Variants in CNOT6L observed in about 807,000 individuals in gnomAD.
CNOT6L encodes the protein CCR4-NOT transcription complex subunit 6-like.
In CNOT6L, 7 loss-of-function variants were observed where a neutral mutation model predicts 64.0. That is an observed-to-expected ratio of 0.11 (90% CI 0.06 to 0.21). The LOEUF (loss-of-function observed/expected upper bound fraction) is 0.21. Among genes scored for constraint, CNOT6L ranks in the 10% least tolerant of loss-of-function variants. The pLI is 1.00. For missense variants in CNOT6L, 245 were observed against 669.0 expected (o/e 0.37, Z 6.99); for synonymous variants, 193 against 243.4 (o/e 0.79, Z 1.93).
chr4:77,786,963 TAA>T, intron 1 of CNOT6L, among the ~76,000 whole-genome samples: 1 of 151,884 alleles, frequency 6.6e-6, no homozygotes. Flanking sequence ...TTGCCATCCA[TAA>T]GAGTCTAATA....
intron 1 of CNOT6L, among the ~76,000 whole-genome samples, chr4:77,799,792 T>C (rs1423086624): frequency 5.9e-5 from 9 of 151,684 alleles, no homozygotes; most frequent in Non-Finnish European, 1.2e-4. Context: ...TCATCTATTA[T>C]AAGCCAAGTG....
In CNOT6L at chr4:77,774,060, T is replaced by A. The variant is rs139307650; in HGVS notation, c.314+470A>T. Reference sequence around the variant, plus strand: ...ATAAGATCTTAAGATTCCTGCAAAATTTTTTTAGAATTTCTTTAGGGAATT... The same window carrying A: ...ATAAGATCTTAAGATTCCTGCAAAAATTTTTTAGAATTTCTTTAGGGAATT... On this transcript the variant is annotated intron_variant, in intron 3 of 11. Transcript: ENST00000504123. 3.9e-5 allele frequency among the ~76,000 whole-genome samples: 6 copies of A among 152,276 alleles called. No homozygotes were observed. The East Asian group carries it at 9.6e-4, about 24-fold the overall frequency.
At chr4:77,758,870 T>C (rs1725853933) in intron 4 of CNOT6L, among the ~76,000 whole-genome samples, 1 of 152,190 alleles carries the variant, frequency 6.6e-6, no homozygotes, top group Non-Finnish European at 1.5e-5. Context: ...GAAACTATTT[T>C]ACCAGAATCT....
At chr4:77,801,095 GA>G (rs1234681437) in intron 1 of CNOT6L, among the ~76,000 whole-genome samples, 1 of 152,118 alleles carries the variant, frequency 6.6e-6, no homozygotes, top group East Asian at 1.9e-4. Context: ...TGATTAGAAG[GA>G]TAAAGAACAA....
chr4:77,737,406 C>CTTTTTTTTTTTTTT (rs56952956), intron 8 of CNOT6L, among the ~76,000 whole-genome samples: 1 of 82,374 alleles, frequency 1.2e-5, no homozygotes, highest in African/African-American at 4.7e-5. Context: ...TTGTACCGTT[C>CTTTTTTTTTTTTTT]TTTTTTTTTT....
intron 10 of CNOT6L, among the ~76,000 whole-genome samples, chr4:77,728,132 T>C (rs1722075365): frequency 6.6e-6 from 1 of 152,240 alleles, no homozygotes; most frequent in Non-Finnish European, 1.5e-5. Flanking sequence ...AGTAGTTTAG[T>C]GGAGCTCAAG....
At chr4:77,800,802 GATAAAGT>G (rs1278264670) in intron 1 of CNOT6L, among the ~76,000 whole-genome samples, 3 of 152,078 alleles carry the variant, frequency 2.0e-5, no homozygotes, top group Non-Finnish European at 4.4e-5. Context: ...AATAAAACTT[GATAAAGT>G]ATAAAGAAAA....
At chr4:77,783,401 A>C (rs1480703121) in intron 1 of CNOT6L, among the ~76,000 whole-genome samples, 2 of 152,238 alleles carry the variant, frequency 1.3e-5, no homozygotes, top group Non-Finnish European at 2.9e-5. Context: ...CTACTTGAAA[A>C]AGAAAAGCTA....
intron 1 of CNOT6L, among the ~76,000 whole-genome samples, chr4:77,786,474 TA>T (rs1025350763): frequency 2.0e-5 from 3 of 151,554 alleles, no homozygotes; most frequent in African/African-American, 4.8e-5. Context: ...AAAAGTAAAT[TA>T]AAAAAAAATT....
intron 1 of CNOT6L, among the ~76,000 whole-genome samples, chr4:77,794,833 T>G (rs1730618510): frequency 6.6e-6 from 1 of 152,050 alleles, no homozygotes; most frequent in South Asian, 2.1e-4. Context: ...AGAATTAAAC[T>G]CATGTTTATT....
intron 8 of CNOT6L, among the ~76,000 whole-genome samples, chr4:77,739,654 A>G (rs1486013467): frequency 1.3e-5 from 2 of 152,216 alleles, no homozygotes; most frequent in South Asian, 2.1e-4. Flanking sequence ...TCATTCCAGG[A>G]AAGAAGTTGA....
At chr4:77,801,228 T>C (rs1213262372) in intron 1 of CNOT6L, among the ~76,000 whole-genome samples, 3 of 151,802 alleles carry the variant, frequency 2.0e-5, no homozygotes, top group African/African-American at 7.3e-5. Context: ...GAAGGAAGAG[T>C]ATTGTTCATT....
chr4:77,807,276 C>CAAAAAAAA lies in CNOT6L; in HGVS notation c.5+12020_5+12027dup, dbSNP rs58452605. 2.6e-4 allele frequency among the ~76,000 whole-genome samples: 28 copies of CAAAAAAAA among 108,192 alleles called. 2 individuals carry two copies. The highest frequency in any genetic ancestry group is 1.2e-3 in the African/African-American group (27 of 22,448). 71.0% of individuals were successfully genotyped at this position (108,192 alleles called of 152,430 possible). A position where few individuals can be genotyped will look rare whatever the true frequency, so the allele number is the denominator to read the frequency against. On this transcript the variant is annotated intron_variant, in intron 1 of 11. Coordinates refer to ENST00000504123, the MANE Select transcript of CNOT6L (RefSeq NM_144571.3). The stretch of plus-strand genomic sequence containing the variant: ...ATGGCGACAGAGTGAGACTCCATCT[C>CAAAAAAAA]AAAAAAAAAAAAAAAAATCCTACAA...
intron 1 of CNOT6L, among the ~76,000 whole-genome samples, chr4:77,784,023 G>T (rs1168972810): frequency 6.6e-6 from 1 of 151,948 alleles, no homozygotes; most frequent in Non-Finnish European, 1.5e-5. Flanking sequence ...GTTATTGGTT[G>T]TTATACATCT....
chr4:77,718,249 T>G lies in CNOT6L; in HGVS notation c.*2182A>C, dbSNP rs757799237. On this transcript the variant is annotated 3_prime_UTR_variant, in exon 12 of 12. Transcript: ENST00000504123. The stretch of plus-strand genomic sequence containing the variant: ...TGAAAGGAGGAAAATGTTTTGTTAG[T>G]GCATATACCTCCAGAGCAGAAAACC... The G allele has an allele frequency of 2.6e-5, 4 of 152,636 alleles. No individual in the cohort carries two copies. The allele number at this position is 152,636 out of a possible 1,614,324, so 9.5% of individuals were successfully genotyped here.
chr4:77,734,096 T>C, intron 8 of CNOT6L, among the ~76,000 whole-genome samples: 1 of 152,178 alleles, frequency 6.6e-6, no homozygotes, highest in East Asian at 1.9e-4. Flanking sequence ...TAATAAAGAC[T>C]AAAACTTCAC....
chr4:77,803,852 G>C (rs1478351251), intron 1 of CNOT6L, among the ~76,000 whole-genome samples: 1 of 151,914 alleles, frequency 6.6e-6, no homozygotes, highest in South Asian at 2.1e-4. Context: ...GCAGTGAGCC[G>C]AGATCATGCT....
intron 1 of CNOT6L, among the ~76,000 whole-genome samples, chr4:77,788,717 G>A (rs1729747699): frequency 6.6e-6 from 1 of 151,902 alleles, no homozygotes; most frequent in Non-Finnish European, 1.5e-5. Context: ...GACAGAGCAA[G>A]ACTCTGTCTC....
chr4:77,751,950 T>C (rs1724910501), intron 5 of CNOT6L, among the ~76,000 whole-genome samples: 1 of 152,122 alleles, frequency 6.6e-6, no homozygotes, highest in Non-Finnish European at 1.5e-5. Context: ...GATGGGAAGA[T>C]CACTTGAGGC....
Sources: gnomAD v4.1 joint callset for allele counts (sites outside exome capture counted in the v4.1 genomes callset) on GRCh38, gnomAD v4.1.1 for gene constraint, MANE v1.5 for transcripts, NCBI Gene and HGNC (gene_info 2026-07-23, HGNC 2026-07-21) for gene names.